CEP152: variants seen among roughly 807,000 people sequenced by gnomAD.
CEP152 encodes centrosomal protein of 152 kDa.
In CEP152, 132 loss-of-function variants were observed where a neutral mutation model predicts 188.9. That is an observed-to-expected ratio of 0.70 (90% confidence interval 0.61 to 0.81). The LOEUF is 0.81. Among genes scored for constraint, CEP152 ranks in the 30% least tolerant of loss-of-function variants. The pLI is 0.00. For synonymous variants in CEP152, 649 were observed against 666.6 expected (o/e 0.97, Z 0.41); for missense variants, 1,914 against 1,969.8 (o/e 0.97, Z 0.54).
At chr15:48,801,538 T>C (rs922263268) in intron 2 of CEP152, among the ~76,000 whole-genome samples, 2 of 152,210 alleles carry the variant, frequency 1.3e-5, no homozygotes, top group African/African-American at 4.8e-5. Context: ...CACTAAATGA[T>C]CCATCATCAG....
At chr15:48,745,686 T>C in intron 22 of CEP152, among the ~76,000 whole-genome samples, 1 of 152,050 alleles carries the variant, frequency 6.6e-6, no homozygotes, top group East Asian at 1.9e-4. Context: ...GTGGGGAGAT[T>C]ACAATTCTTT....
rs1471597929 is a variant in CEP152 at position 48,767,487 on chromosome 15, G to A, written c.2019-24C>T. ...ACCTGGAAACAGAGCGGAATCAAAG[G>A]CAATGCCCAGTCTCACTACGAACAC... On this transcript the variant is annotated intron_variant, in intron 15 of 26. Coordinates refer to ENST00000380950, the MANE Select transcript of CEP152 (RefSeq NM_001194998.2). 2.5e-6 allele frequency: 4 copies of A among 1,613,778 alleles called. No homozygotes were observed. The African/African-American group carries it at 5.3e-5, about 22-fold the overall frequency.
Position 48,744,382 on chromosome 15 carries a change from A to G in CEP152, c.3732-39T>C. The G allele has an allele frequency of 2.5e-6, 4 of 1,612,536 alleles. No homozygotes were observed. The South Asian group carries it at 3.3e-5, about 13-fold the overall frequency. On this transcript the variant is annotated intron_variant, in intron 23 of 26. Transcript: ENST00000380950. ...CAAAGATTACAAAAACAGAAATGGT[A>G]AGTGAAAAATTTCATTTGAAAAATA...
chr15:48,808,820 C>T (rs922224981), intron 1 of CEP152, among the ~76,000 whole-genome samples: 1 of 151,976 alleles, frequency 6.6e-6, no homozygotes, highest in African/African-American at 2.4e-5. Context: ...CAATACTATG[C>T]CACTAGTAAA....
chr15:48,791,849 A>T (rs1567023080), intron 7 of CEP152, among the ~76,000 whole-genome samples: 1 of 146,716 alleles, frequency 6.8e-6, no homozygotes, highest in Non-Finnish European at 1.5e-5. Flanking sequence ...ATTAAAAATT[A>T]AAAAAAAAAA....
At chr15:48,802,572 T>C (rs914678334) in intron 2 of CEP152, among the ~76,000 whole-genome samples, 9 of 152,150 alleles carry the variant, frequency 5.9e-5, no homozygotes, top group African/African-American at 7.2e-5. Context: ...TAATGTACCA[T>C]TAAGAGTTGT....
At chr15:48,790,192 G>C (rs750404076) in intron 8 of CEP152, among the ~76,000 whole-genome samples, 6 of 152,178 alleles carry the variant, frequency 3.9e-5, no homozygotes, top group Non-Finnish European at 8.8e-5. Flanking sequence ...TCCATCCACT[G>C]AATGACACAG....
intron 1 of CEP152, 30 bp from the exon 2 acceptor site, chr15:48,805,686 G>A (rs746008543): frequency 2.0e-4 from 316 of 1,612,548 alleles, no homozygotes; most frequent in Non-Finnish European, 2.5e-4. Context: ...TTTGGTTTCT[G>A]GACACCACAT....
chr15:48,789,308 C>T (rs1382850290), intron 8 of CEP152: 4 of 426,794 alleles, frequency 9.4e-6, no homozygotes, highest in East Asian at 5.0e-5. Context: ...CTGCTGATGC[C>T]GTGATGGCCC....
chr15:48,766,446 C>T (rs899990891), intron 17 of CEP152, among the ~76,000 whole-genome samples: 3 of 152,168 alleles, frequency 2.0e-5, no homozygotes, highest in Non-Finnish European at 2.9e-5. Flanking sequence ...TGTGATTTTA[C>T]TCCTGGACAC....
downstream of CEP152, among the ~76,000 whole-genome samples, chr15:48,734,765 T>C (rs1200256641): frequency 1.3e-5 from 2 of 152,008 alleles, no homozygotes; most frequent in East Asian, 3.9e-4. Context: ...AAACAAGAAA[T>C]ATAGTAGATA....
At position 48,760,118 on chromosome 15, in the gene CEP152, T is replaced by C. The variant is rs1894568975; in HGVS notation, c.2694+17A>G. 6.2e-7 allele frequency: 1 copy of C among 1,613,852 alleles called. No individual in the cohort carries two copies. On this transcript the variant is annotated intron_variant, in intron 19 of 26. Coordinates refer to ENST00000380950, the MANE Select transcript of CEP152 (RefSeq NM_001194998.2). ...GTAAGACAGCCTCCTGAAGTGTCTT[T>C]GCAGAAGAGCTCTTACCCTTTTGTT...
At position 48,765,636 on chromosome 15, in the gene CEP152, A is replaced by ATTTTTTTTTTTTTTTTT. The variant is rs34837739; in HGVS notation, c.2280+1407_2280+1423dup. ...GAAAATTCCTCTTATGTTCTTGCCA[A>ATTTTTTTTTTTTTTTTT]TTTTTTTTTTTTTTTTTTTTTTTTT... On this transcript the variant is annotated intron_variant, in intron 17 of 26. Transcript: ENST00000380950. 2.5e-4 allele frequency: 48 copies of ATTTTTTTTTTTTTTTTT among 189,468 alleles called. 4 individuals are homozygous for ATTTTTTTTTTTTTTTTT. Among genetic ancestry groups the ATTTTTTTTTTTTTTTTT allele is most frequent in the African/African-American group, 2.3e-3 (36 of 15,718 alleles). 11.7% of individuals were successfully genotyped at this position (189,468 alleles called of 1,614,324 possible). A position where few individuals can be genotyped will look rare whatever the true frequency, so the allele number is the denominator to read the frequency against.
chr15:48,767,638 G>T (rs1002459212), intron 15 of CEP152, among the ~76,000 whole-genome samples, 175 bp from the exon 16 acceptor site: 1 of 152,140 alleles, frequency 6.6e-6, no homozygotes, highest in African/African-American at 2.4e-5. Flanking sequence ...AATCTTATGA[G>T]AATCTTCAAA....
At chr15:48,750,982 T>C (rs1893834626) in intron 21 of CEP152, among the ~76,000 whole-genome samples, 2 of 152,160 alleles carry the variant, frequency 1.3e-5, no homozygotes, top group African/African-American at 4.8e-5. Flanking sequence ...AACTTACAGA[T>C]GCATACATAT....
At chr15:48,747,092 C>T (rs1048491156) in intron 22 of CEP152, among the ~76,000 whole-genome samples, 9 of 152,112 alleles carry the variant, frequency 5.9e-5, no homozygotes, top group African/African-American at 1.4e-4. Context: ...AAGGCCATGG[C>T]AAGCCACTGA....
intron 12 of CEP152, among the ~76,000 whole-genome samples, 187 bp from the exon 13 acceptor site, chr15:48,772,878 G>A (rs1895659323): frequency 6.6e-6 from 1 of 152,150 alleles, no homozygotes; most frequent in Non-Finnish European, 1.5e-5. Context: ...TCTATATACA[G>A]AAATACGTTT....
chr15:48,787,935 T>C (rs893614961), intron 9 of CEP152, among the ~76,000 whole-genome samples: 3 of 152,226 alleles, frequency 2.0e-5, no homozygotes, highest in Admixed American at 6.5e-5. Context: ...CTGTGCAATA[T>C]GCTCAAGATG....
At chr15:48,743,183 C>T (rs1893128898) in intron 24 of CEP152, among the ~76,000 whole-genome samples, 1 of 152,170 alleles carries the variant, frequency 6.6e-6, no homozygotes, top group Admixed American at 6.5e-5. Context: ...GCACCAGTAA[C>T]AACGGAGAAG....
Sources: allele counts gnomAD v4.1 joint callset (sites outside exome capture counted in the v4.1 genomes callset), GRCh38; gene constraint gnomAD v4.1.1; transcripts MANE v1.5; gene names NCBI Gene and HGNC (gene_info 2026-07-23, HGNC 2026-07-21).